ELAPOR2: variants seen among roughly 807,000 people sequenced by gnomAD.
ELAPOR2 encodes the protein endosome/lysosome-associated apoptosis and autophagy regulator family member 2.
Under a neutral mutation model 120.7 loss-of-function variants are expected in ELAPOR2, and 89 were observed. The observed-to-expected ratio is 0.74, with a 90% CI of 0.62 to 0.88. The LOEUF is 0.88. Ranked by LOEUF, ELAPOR2 falls within the 40% of genes least tolerant of loss-of-function variation. The probability of loss-of-function intolerance (pLI) is 0.00; values close to 1 mark genes in which losing one functional copy is unlikely to be tolerated. For synonymous variants in ELAPOR2, 444 were observed against 444.9 expected, an observed-to-expected ratio of 1.00 and a Z score of 0.03; for missense variants, 1,134 against 1,251.6, an observed-to-expected ratio of 0.91 and a Z score of 1.42.
At chr7:87,040,704 G>A (rs533047962) in intron 1 of ELAPOR2, among the ~76,000 whole-genome samples, 2 of 152,232 alleles carry the variant, frequency 1.3e-5, no homozygotes, top group Non-Finnish European at 2.9e-5. Context: ...AAAGCAGAGC[G>A]CCTCTCCTCC....
intron 1 of ELAPOR2, among the ~76,000 whole-genome samples, chr7:87,025,160 A>T (rs377667398): frequency 6.8e-4 from 104 of 152,208 alleles, no homozygotes; most frequent in African/African-American, 2.4e-3. Flanking sequence ...GTCTAAATTC[A>T]ATTCGTTTAG....
chr7:86,904,493 C>T (rs971420570), intron 18 of ELAPOR2, among the ~76,000 whole-genome samples: 10 of 152,150 alleles, frequency 6.6e-5, no homozygotes, highest in Admixed American at 2.0e-4. Context: ...TAGAAAATCT[C>T]GTAACTTCAC....
chr7:86,979,121 T>A (rs1393587157), intron 1 of ELAPOR2, among the ~76,000 whole-genome samples: 1 of 64,806 alleles, frequency 1.5e-5, no homozygotes, highest in African/African-American at 1.0e-4. Flanking sequence ...TTTAACTTTC[T>A]TTATAGCATC....
At chr7:86,980,121 G>C (rs548169080) in intron 1 of ELAPOR2, among the ~76,000 whole-genome samples, 2 of 152,174 alleles carry the variant, frequency 1.3e-5, no homozygotes, top group East Asian at 3.9e-4. Flanking sequence ...ATTGTCGGTT[G>C]GAAAAAATTA....
At chr7:86,958,661 T>A (rs906814027) in intron 2 of ELAPOR2, among the ~76,000 whole-genome samples, 11 of 152,192 alleles carry the variant, frequency 7.2e-5, no homozygotes, top group Admixed American at 6.5e-5. Context: ...GGCACCTTCA[T>A]CCTGTTTCCT....
intron 21 of ELAPOR2, among the ~76,000 whole-genome samples, chr7:86,883,307 C>T (rs562344238): frequency 2.0e-5 from 3 of 152,066 alleles, no homozygotes; most frequent in East Asian, 3.9e-4. Context: ...TAAGGTATGG[C>T]CTTTAGAACA....
intron 13 of ELAPOR2, among the ~76,000 whole-genome samples, chr7:86,913,843 A>G (rs547901922): frequency 6.6e-6 from 1 of 152,306 alleles, no homozygotes; most frequent in South Asian, 2.1e-4. Context: ...GGTTTTAATT[A>G]AGCAGTTGGC....
intron 1 of ELAPOR2, among the ~76,000 whole-genome samples, chr7:87,047,957 G>A (rs1475231631): frequency 1.3e-5 from 2 of 152,156 alleles, no homozygotes; most frequent in South Asian, 2.1e-4. Flanking sequence ...TAAAGAAAAT[G>A]TGGTACGGCT....
intron 1 of ELAPOR2, among the ~76,000 whole-genome samples, chr7:87,007,099 T>C (rs969149757): frequency 6.6e-5 from 10 of 152,136 alleles, no homozygotes; most frequent in African/African-American, 2.2e-4. Flanking sequence ...ATGGAGTGTT[T>C]TGAGTGATAG....
intron 1 of ELAPOR2, among the ~76,000 whole-genome samples, chr7:87,017,381 T>A (rs1583997598): frequency 6.6e-6 from 1 of 152,194 alleles, no homozygotes; most frequent in Admixed American, 6.5e-5. Flanking sequence ...ATCCACACAG[T>A]GGAATTCTGT....
intron 15 of ELAPOR2, among the ~76,000 whole-genome samples, chr7:86,910,656 T>TA (rs1288960030): frequency 6.6e-6 from 1 of 152,092 alleles, no homozygotes; most frequent in African/African-American, 2.4e-5. Flanking sequence ...ATATAACTTA[T>TA]AAAAAATGGA....
chr7:86,991,596 A>G (rs567601627), intron 1 of ELAPOR2, among the ~76,000 whole-genome samples: 9 of 152,096 alleles, frequency 5.9e-5, no homozygotes, highest in Non-Finnish European at 1.2e-4. Context: ...ATTTGCCCCA[A>G]CTCTATTATA....
chr7:86,984,739 A>G (rs1295476582), intron 1 of ELAPOR2, among the ~76,000 whole-genome samples: 1 of 152,234 alleles, frequency 6.6e-6, no homozygotes, highest in Non-Finnish European at 1.5e-5. Context: ...AGCATGAAAG[A>G]CCTAAAATCA....
intron 1 of ELAPOR2, among the ~76,000 whole-genome samples, chr7:87,018,185 C>T (rs28408276): frequency 0.2 from 30,993 of 151,802 alleles, 3,330 homozygotes; most frequent in African/African-American, 0.23. Flanking sequence ...AGATTACAGG[C>T]GCCCGCCACC....
chr7:86,914,990 C>T, intron 12 of ELAPOR2, 130 bp from the exon 13 acceptor site: 1 of 731,694 alleles, frequency 1.4e-6, no homozygotes, highest in East Asian at 2.9e-5. Context: ...ACAAACAGAG[C>T]ATGTAATCCC....
At chr7:86,994,364 C>A (rs950425675) in intron 1 of ELAPOR2, among the ~76,000 whole-genome samples, 1 of 152,116 alleles carries the variant, frequency 6.6e-6, no homozygotes, top group East Asian at 1.9e-4. Flanking sequence ...TTATCAAGTG[C>A]TTCGGAATTT....
intron 1 of ELAPOR2, among the ~76,000 whole-genome samples, chr7:87,017,838 T>C (rs892039456): frequency 8.6e-5 from 13 of 152,026 alleles, no homozygotes; most frequent in African/African-American, 4.8e-5. Context: ...GGAGGATCAC[T>C]TGAGTCTGGG....
rs1799434426 is a variant in ELAPOR2, at chr7:86,882,000, A to G, written c.3031-1470T>C. ...ATCCAAGAGCTTTAGGGCTACAGGGACAGGATTATAGAAAAACATCATAGC... is the reference window on the plus strand; with the variant it reads ...ATCCAAGAGCTTTAGGGCTACAGGGGCAGGATTATAGAAAAACATCATAGC... On this transcript the variant is annotated intron_variant, in intron 21 of 21. Coordinates refer to ENST00000450689, the MANE Select transcript of ELAPOR2 (RefSeq NM_001142749.3). Among the ~76,000 whole-genome samples, 4 of 152,128 alleles carry G rather than the reference A, an allele frequency of 2.6e-5. No homozygotes were observed. In the South Asian group the frequency reaches 8.3e-4, roughly 32 times the overall value.
intron 10 of ELAPOR2, among the ~76,000 whole-genome samples, chr7:86,921,980 T>C (rs1789853422): frequency 6.6e-6 from 1 of 152,134 alleles, no homozygotes; most frequent in African/African-American, 2.4e-5. Context: ...AATTTTAATA[T>C]ATTTTATTTA....
Sources: allele counts gnomAD v4.1 joint callset (sites outside exome capture counted in the v4.1 genomes callset), GRCh38; gene constraint gnomAD v4.1.1; transcripts MANE v1.5; gene names NCBI Gene and HGNC (gene_info 2026-07-23, HGNC 2026-07-21).